SMAD1: variants seen among roughly 807,000 people sequenced by gnomAD.
SMAD1 encodes SMAD family member 1.
In SMAD1, 6 loss-of-function variants were observed where a neutral mutation model predicts 41.6. That is an observed-to-expected ratio of 0.14 (90% CI 0.08 to 0.28). The LOEUF (loss-of-function observed/expected upper bound fraction) is 0.28. Ranked by LOEUF, SMAD1 falls within the 10% of genes least tolerant of loss-of-function variation. The pLI, the probability that SMAD1 is intolerant of heterozygous loss-of-function variation, is 1.00. For missense variants in SMAD1, 379 were observed against 582.6 expected (o/e 0.65, Z 3.60); for synonymous variants, 206 against 203.2 (o/e 1.01, Z -0.12).
At chr4:145,556,369 A>C (rs1419403197) in intron 6 of SMAD1, among the ~76,000 whole-genome samples, 1 of 152,150 alleles carries the variant, frequency 6.6e-6, no homozygotes, top group Non-Finnish European at 1.5e-5. Flanking sequence ...CAAATGCATG[A>C]GTGTACATAC....
intron 1 of SMAD1, among the ~76,000 whole-genome samples, chr4:145,494,615 C>T (rs1455277942): frequency 6.6e-6 from 1 of 152,170 alleles, no homozygotes; most frequent in Non-Finnish European, 1.5e-5. Flanking sequence ...TGGGCCCATC[C>T]TATTGAAGGG....
At chr4:145,545,739 A>T (rs1285368074) in intron 4 of SMAD1, 1 of 151,928 alleles carries the variant, frequency 6.6e-6, no homozygotes, top group African/African-American at 2.4e-5. Flanking sequence ...ATTATTGTAC[A>T]CCCAAGACTT....
chr4:145,554,392 TCTTC>T (rs1161511726), intron 6 of SMAD1, among the ~76,000 whole-genome samples: 2 of 152,304 alleles, frequency 1.3e-5, no homozygotes, highest in African/African-American at 2.4e-5. Context: ...AGTAAGCATA[TCTTC>T]CTTCCTTTTC....
At chr4:145,500,008 C>T (rs1729337871) in intron 1 of SMAD1, among the ~76,000 whole-genome samples, 1 of 152,180 alleles carries the variant, frequency 6.6e-6, no homozygotes. Flanking sequence ...AATTCTCCAA[C>T]CTTACAGTTA....
chr4:145,555,437 C>T (rs1732784535), intron 6 of SMAD1, among the ~76,000 whole-genome samples: 1 of 152,170 alleles, frequency 6.6e-6, no homozygotes. Context: ...CAGATTTCTT[C>T]TCTGGTTCTC....
chr4:145,486,528 C>T (rs1337261814), intron 1 of SMAD1, among the ~76,000 whole-genome samples: 4 of 151,986 alleles, frequency 2.6e-5, no homozygotes, highest in African/African-American at 4.8e-5. Context: ...GTTTAAGAAT[C>T]GATGAAACTA....
intron 2 of SMAD1, among the ~76,000 whole-genome samples, chr4:145,530,788 C>T (rs765308522): frequency 1.4e-4 from 21 of 152,172 alleles, no homozygotes; most frequent in Admixed American, 2.6e-4. Context: ...ACAACTTCCA[C>T]AGTCTCTTTC....
chr4:145,506,331 A>G (rs374787350), intron 1 of SMAD1, among the ~76,000 whole-genome samples: 12 of 152,166 alleles, frequency 7.9e-5, no homozygotes, highest in African/African-American at 2.9e-4. Flanking sequence ...AAGTAGGGGG[A>G]GAAAAGAGTT....
chr4:145,502,439 A>G (rs557964783), intron 1 of SMAD1, among the ~76,000 whole-genome samples: 4 of 152,368 alleles, frequency 2.6e-5, no homozygotes, highest in South Asian at 2.1e-4. Context: ...AAAACTTTCA[A>G]TTGCCTTAAC....
intron 1 of SMAD1, among the ~76,000 whole-genome samples, chr4:145,511,610 A>G (rs938771018): frequency 1.3e-5 from 2 of 152,134 alleles, no homozygotes; most frequent in Non-Finnish European, 2.9e-5. Context: ...TATAATTTTT[A>G]ACTTATTCTC....
intron 1 of SMAD1, among the ~76,000 whole-genome samples, chr4:145,502,267 C>T (rs78430850): frequency 0.039 from 5,916 of 152,152 alleles, 419 homozygotes; most frequent in African/African-American, 0.13. Flanking sequence ...GGGAGCTGGA[C>T]ATCTTGAAAG....
intron 1 of SMAD1, chr4:145,513,410 T>C (rs1466474098): frequency 6.6e-6 from 1 of 152,244 alleles, no homozygotes. Context: ...TTAACCTTTT[T>C]CACATTTTAT....
intron 2 of SMAD1, among the ~76,000 whole-genome samples, chr4:145,527,741 A>T (rs1731104216): frequency 6.6e-6 from 1 of 152,094 alleles, no homozygotes; most frequent in Admixed American, 6.6e-5. Flanking sequence ...AGGGGCATCC[A>T]GAGTTTTTGG....
At chr4:145,506,677 A>G (rs1729806735) in intron 1 of SMAD1, among the ~76,000 whole-genome samples, 1 of 151,838 alleles carries the variant, frequency 6.6e-6, no homozygotes. Context: ...TTCATATACA[A>G]ATTAGGGTAA....
rs1578811859 is a variant in SMAD1, at chr4:145,539,925, T to G, written c.522T>G (p.Asp174Glu). ...TGCCACTCAACGCCACTTTTCCAGA[T>G]TCTTTCCAGCAACCCAACAGCCACC... is the stretch of plus-strand genomic sequence containing the variant. ...PHMPLNATFP[D>E]SFQQPNSHPF... The change falls in exon 3 of 7, where the codon GAT becomes GAG. Residue 174 changes from aspartate (D) to glutamate (E), a missense_variant. Physicochemically the swap from Asp to Glu is conservative, Grantham distance 45. This residue lies in a region of SMAD1 where 208 missense variants were observed against 210.5 expected (regional missense o/e 0.99). Coordinates refer to ENST00000302085, the MANE Select transcript of SMAD1 (RefSeq NM_005900.3). 1 of 1,614,052 alleles carries G rather than the reference T, an allele frequency of 6.2e-7. No individual in the cohort carries two copies. The highest frequency in any genetic ancestry group is 2.2e-5 in the East Asian group (1 of 44,888).
intron 1 of SMAD1, among the ~76,000 whole-genome samples, chr4:145,491,026 G>A (rs977279732): frequency 6.6e-6 from 1 of 152,092 alleles, no homozygotes; most frequent in Non-Finnish European, 1.5e-5. Flanking sequence ...TGGGGGGAGG[G>A]TTATTAATAG....
chr4:145,556,181 TATG>T (rs1397996327), intron 6 of SMAD1, among the ~76,000 whole-genome samples: 10 of 152,234 alleles, frequency 6.6e-5, no homozygotes, highest in African/African-American at 2.4e-4. Flanking sequence ...CTTTAAATTC[TATG>T]TCTGAAAATT....
At chr4:145,544,141 T>A (rs1461020094) in intron 4 of SMAD1, 1 of 151,666 alleles carries the variant, frequency 6.6e-6, no homozygotes, top group African/African-American at 2.4e-5. Context: ...GGTTCATCAG[T>A]TAAAACAAAT....
chr4:145,510,323 T>TA (rs1332797346), intron 1 of SMAD1, among the ~76,000 whole-genome samples: 2 of 152,124 alleles, frequency 1.3e-5, no homozygotes, highest in Non-Finnish European at 2.9e-5. Context: ...TTTTTCCTTT[T>TA]AAAAAATCTT....
Sources: allele counts gnomAD v4.1 joint callset (sites outside exome capture counted in the v4.1 genomes callset), GRCh38; gene constraint gnomAD v4.1.1; regional missense constraint gnomAD v4.1.1; transcripts MANE v1.5; gene names NCBI Gene and HGNC (gene_info 2026-07-23, HGNC 2026-07-21).